Variants in SLC9A9 observed in about 807,000 individuals in gnomAD.
SLC9A9 encodes sodium/hydrogen exchanger 9.
In SLC9A9, 62 loss-of-function variants were observed where a neutral mutation model predicts 77.8. The observed-to-expected ratio is 0.80, with a 90% CI of 0.65 to 0.98. SLC9A9 has a LOEUF of 0.98. Among genes scored for constraint, SLC9A9 ranks in the 50% least tolerant of loss-of-function variants. The pLI is 0.00. For missense variants in SLC9A9, 775 were observed against 774.9 expected, an observed-to-expected ratio of 1.00 and a Z score of 0.00; for synonymous variants, 320 against 283.5, an observed-to-expected ratio of 1.13 and a Z score of -1.29.
chr3:143,754,285 C>A (rs1396430492), intron 4 of SLC9A9, among the ~76,000 whole-genome samples: 1 of 152,190 alleles, frequency 6.6e-6, no homozygotes, highest in Non-Finnish European at 1.5e-5. Context: ...AATATGGTAA[C>A]CCCAGGGTCA....
At chr3:143,404,596 C>G (rs2108514562) in intron 12 of SLC9A9, among the ~76,000 whole-genome samples, 1 of 152,248 alleles carries the variant, frequency 6.6e-6, no homozygotes. Flanking sequence ...CACACATACT[C>G]TTTTTTCCCC....
chr3:143,267,752 G>A (rs1937773818), intron 15 of SLC9A9, among the ~76,000 whole-genome samples: 1 of 152,208 alleles, frequency 6.6e-6, no homozygotes, highest in Non-Finnish European at 1.5e-5. Context: ...AGTGGATAAT[G>A]CCAGAAGCTA....
At chr3:143,673,861 A>G (rs1350397533) in intron 5 of SLC9A9, among the ~76,000 whole-genome samples, 1 of 152,084 alleles carries the variant, frequency 6.6e-6, no homozygotes, top group Non-Finnish European at 1.5e-5. Flanking sequence ...AATTTTATTA[A>G]TTTTTTCTTT....
intron 6 of SLC9A9, among the ~76,000 whole-genome samples, chr3:143,611,924 T>G (rs1055896131): frequency 5.3e-5 from 8 of 152,114 alleles, no homozygotes; most frequent in African/African-American, 1.4e-4. Context: ...TATTTAGAGA[T>G]AGGGTCTCAC....
chr3:143,663,666 G>T (rs745718617), intron 5 of SLC9A9, among the ~76,000 whole-genome samples: 11 of 152,126 alleles, frequency 7.2e-5, no homozygotes, highest in Non-Finnish European at 1.2e-4. Flanking sequence ...ACTACGTGAC[G>T]CATGCACAAG....
At chr3:143,359,569 A>G (rs2032685398) in intron 14 of SLC9A9, among the ~76,000 whole-genome samples, 1 of 152,122 alleles carries the variant, frequency 6.6e-6, no homozygotes, top group African/African-American at 2.4e-5. Context: ...TGCCTGAGGA[A>G]GGACAGGGTA....
At chr3:143,422,163 AG>A (rs1256796912) in intron 12 of SLC9A9, among the ~76,000 whole-genome samples, 1 of 152,254 alleles carries the variant, frequency 6.6e-6, no homozygotes, top group African/African-American at 2.4e-5. Context: ...AAATTAGTTC[AG>A]TCACTGTGGA....
At chr3:143,736,697 A>G (rs1041214963) in intron 4 of SLC9A9, among the ~76,000 whole-genome samples, 2 of 152,220 alleles carry the variant, frequency 1.3e-5, no homozygotes, top group Non-Finnish European at 2.9e-5. Context: ...TGACTATGGT[A>G]GGTAATATCA....
intron 6 of SLC9A9, among the ~76,000 whole-genome samples, chr3:143,594,121 T>G (rs1176073325): frequency 2.0e-5 from 3 of 151,610 alleles, no homozygotes; most frequent in Non-Finnish European, 4.4e-5. Context: ...GTTCCCAAAA[T>G]GAGGAGAGAG....
intron 1 of SLC9A9, among the ~76,000 whole-genome samples, chr3:143,841,126 G>A (rs1177591979): frequency 6.6e-6 from 1 of 152,118 alleles, no homozygotes; most frequent in Non-Finnish European, 1.5e-5. Context: ...TTGATTATCA[G>A]CAAGTTACCT....
chr3:143,303,172 GC>G (rs1178881616), intron 14 of SLC9A9, among the ~76,000 whole-genome samples: 1 of 152,192 alleles, frequency 6.6e-6, no homozygotes, highest in Admixed American at 6.5e-5. Flanking sequence ...AATTAGAGAG[GC>G]CCACCTGGAT....
At chr3:143,641,728 T>G (rs2038627589) in intron 6 of SLC9A9, among the ~76,000 whole-genome samples, 1 of 152,146 alleles carries the variant, frequency 6.6e-6, no homozygotes, top group Non-Finnish European at 1.5e-5. Flanking sequence ...TTGAGAAGCA[T>G]TCTGGTGAAG....
intron 12 of SLC9A9, among the ~76,000 whole-genome samples, chr3:143,428,569 GCAACCC>G (rs1355905270): frequency 6.6e-6 from 1 of 152,176 alleles, no homozygotes; most frequent in African/African-American, 2.4e-5. Context: ...ATATGATCCA[GCAACCC>G]CATTAGTGGG....
At chr3:143,504,863 C>A (rs2035985725) in intron 9 of SLC9A9, among the ~76,000 whole-genome samples, 1 of 152,092 alleles carries the variant, frequency 6.6e-6, no homozygotes, top group Non-Finnish European at 1.5e-5. Flanking sequence ...GGTCAGTTGT[C>A]CTGAGTTTTG....
intron 1 of SLC9A9, among the ~76,000 whole-genome samples, chr3:143,835,322 G>T (rs2009542105): frequency 6.6e-6 from 1 of 152,168 alleles, no homozygotes. Context: ...AAACCCCAAG[G>T]GTTGAGAAGA....
At chr3:143,459,846 T>A (rs1040161631) in intron 12 of SLC9A9, among the ~76,000 whole-genome samples, 2 of 152,086 alleles carry the variant, frequency 1.3e-5, no homozygotes, top group Non-Finnish European at 1.5e-5. Flanking sequence ...CCAAGGCTAA[T>A]CGGTGAGAGG....
chr3:143,581,251 T>C (rs2037446939), intron 6 of SLC9A9, among the ~76,000 whole-genome samples: 1 of 152,094 alleles, frequency 6.6e-6, no homozygotes, highest in South Asian at 2.1e-4. Flanking sequence ...TCAGGGCAAT[T>C]GCAAGACATG....
chr3:143,505,899 T>C (rs1302844964), intron 9 of SLC9A9, among the ~76,000 whole-genome samples: 1 of 152,204 alleles, frequency 6.6e-6, no homozygotes, highest in Non-Finnish European at 1.5e-5. Flanking sequence ...GGCCATTTTC[T>C]CTGAATTTGC....
chr3:143,686,516 C>T (rs961746922), intron 5 of SLC9A9, among the ~76,000 whole-genome samples: 2 of 151,918 alleles, frequency 1.3e-5, no homozygotes, highest in Non-Finnish European at 2.9e-5. Context: ...TGAGCATAGA[C>T]CTGAAGAAGG....
Sources: gnomAD v4.1 joint callset for allele counts (sites outside exome capture counted in the v4.1 genomes callset) on GRCh38, gnomAD v4.1.1 for gene constraint, MANE v1.5 for transcripts, NCBI Gene and HGNC (gene_info 2026-07-23, HGNC 2026-07-21) for gene names.